The following TAF5L variants were observed in gnomAD, a reference collection of about 807,000 sequenced individuals.
The protein encoded by TAF5L is TATA-box binding protein associated factor 5 like.
In TAF5L, 7 loss-of-function variants were observed where a neutral mutation model predicts 51.3. The observed-to-expected ratio is 0.14, with a 90% CI of 0.08 to 0.26. TAF5L has a LOEUF of 0.26. Ranked by LOEUF, TAF5L falls within the 10% of genes least tolerant of loss-of-function variation. The pLI is 1.00. For synonymous variants in TAF5L, 291 were observed against 308.1 expected, an observed-to-expected ratio of 0.94 and a Z score of 0.58; for missense variants, 575 against 758.9, an observed-to-expected ratio of 0.76 and a Z score of 2.85.
chr1:229,603,034 A>C, intron 3 of TAF5L, 115 bp from the exon 4 acceptor site: 1 of 1,435,494 alleles, frequency 7.0e-7, no homozygotes, highest in Non-Finnish European at 9.1e-7. Flanking sequence ...CCCATTTTTT[A>C]AGAGTACTGA....
rs1055130094 is a variant in TAF5L, at chr1:229,625,723, C to T, written c.-4+162G>A. Among the ~76,000 whole-genome samples the T allele has an allele frequency of 6.9e-6, 1 of 144,928 alleles. No individual in the cohort carries two copies. ...GCCGTCGCGCCCGCGCAGAGCCGCC[C>T]GCCGCCCCCCAGCCCCGCCTCCCGC... On this transcript the variant is annotated intron_variant, in intron 1 of 4. Coordinates refer to ENST00000258281, the Ensembl canonical transcript of TAF5L. The surrounding 1 kb of genome is among the most constrained non-coding windows in gnomAD (Gnocchi z 4.0).
At chr1:229,603,521 T>C (rs1198503023) in intron 3 of TAF5L, among the ~76,000 whole-genome samples, 1 of 152,250 alleles carries the variant, frequency 6.6e-6, no homozygotes, top group Non-Finnish European at 1.5e-5. Flanking sequence ...CATTAACATG[T>C]CTGGTTATAC....
At chr1:229,604,210 G>T (rs1237904046) in intron 3 of TAF5L, among the ~76,000 whole-genome samples, 1 of 150,962 alleles carries the variant, frequency 6.6e-6, no homozygotes, top group African/African-American at 2.4e-5. Flanking sequence ...TCAATACAGG[G>T]TTTAAGACTG....
rs769273145 is a variant in TAF5L at position 229,610,192 on chromosome 1, C to G, written c.161G>C (p.Cys54Ser). 5 of 1,614,024 alleles carry G rather than the reference C, an allele frequency of 3.1e-6. No homozygotes were observed. The East Asian group carries it at 6.7e-5, about 22-fold the overall frequency. Reference sequence around the variant, plus strand: ...AGGGGCTGCAGACACTATGTTGGCACAACCAGATTCTGATTGCACTAAAGA... The same window carrying G: ...AGGGGCTGCAGACACTATGTTGGCAGAACCAGATTCTGATTGCACTAAAGA... The change falls in exon 3 of 5, where the codon TGT becomes TCT. Residue 54 changes from cysteine (C) to serine (S), a missense_variant. Cys to Ser is a moderately radical substitution (Grantham distance 112). Transcript: ENST00000258281.
intron 3 of TAF5L, chr1:229,607,955 A>G (rs1372648799): frequency 6.6e-6 from 1 of 152,198 alleles, no homozygotes; most frequent in Non-Finnish European, 1.5e-5. Context: ...AGACAAAATA[A>G]CAGACAACTT....
At chr1:229,609,979 T>A in intron 3 of TAF5L, 127 bp downstream of exon 3, 1 of 709,496 alleles carries the variant, frequency 1.4e-6, no homozygotes, top group East Asian at 2.8e-5. Context: ...TCTGCATTAC[T>A]CTATTTTTTA....
At chr1:229,606,414 C>T (rs928362399) in intron 3 of TAF5L, 30 of 984,848 alleles carry the variant, frequency 3.0e-5, no homozygotes, top group Non-Finnish European at 3.5e-5. Context: ...TAATGAATGC[C>T]TACCTGGTGC....
intron 3 of TAF5L, among the ~76,000 whole-genome samples, chr1:229,603,664 G>C (rs141493217): frequency 1.3e-5 from 2 of 152,260 alleles, no homozygotes; most frequent in South Asian, 2.1e-4. Context: ...ACCATTTTAC[G>C]TCATTAAGAC....
At chr1:229,623,477 A>G (rs1170493135) in intron 1 of TAF5L, among the ~76,000 whole-genome samples, 1 of 152,138 alleles carries the variant, frequency 6.6e-6, no homozygotes, top group East Asian at 1.9e-4. Flanking sequence ...AGTTGGAGGC[A>G]CTGCCACACT....
At position 229,602,837 on chromosome 1, in the gene TAF5L, G is replaced by C; in HGVS notation, c.330C>G (p.Asn110Lys). 1.2e-6 allele frequency: 2 copies of C among 1,612,484 alleles called. No individual in the cohort carries two copies. The highest frequency in any genetic ancestry group is 1.7e-6 in the Non-Finnish European group (2 of 1,180,032). ...AACTTTCCACTGTGCTCTTCGGACTGTTTTGGACCAGGTTGAGATGGAGGT... is the reference window on the plus strand; with the variant it reads ...AACTTTCCACTGTGCTCTTCGGACTCTTTTGGACCAGGTTGAGATGGAGGT... Residue 110 changes from asparagine (N) to lysine (K), a missense_variant, in exon 4 of 5, where the codon AAC becomes AAG. Around this residue, in one of 3 missense-constraint regions of TAF5L, gnomAD observed 380 missense variants for 443.7 expected, o/e 0.86. Transcript: ENST00000258281. This position sits in a 1 kb window ranked among gnomAD's most constrained non-coding sequence, Gnocchi z 4.6.
chr1:229,599,332 AATTCAATGATTT>A, intron 4 of TAF5L: 1 of 447,444 alleles, frequency 2.2e-6, no homozygotes, highest in Non-Finnish European at 3.0e-6. Context: ...CAAAGTGTAC[AATTCAATGATTT>A]TTAGTACATT....
At chr1:229,603,487 T>C (rs1664467206) in intron 3 of TAF5L, among the ~76,000 whole-genome samples, 2 of 152,228 alleles carry the variant, frequency 1.3e-5, no homozygotes, top group African/African-American at 2.4e-5. Flanking sequence ...TCAAGTAAAA[T>C]CAAAGCACTT....
rs142601849 is a variant in TAF5L at position 229,594,384 on chromosome 1, C to G, written c.1683G>C (p.Gly561=). The G allele has an allele frequency of 6.9e-4, 1,106 of 1,614,172 alleles. 12 individuals carry two copies. The African/African-American group carries it at 0.013, about 19-fold the overall frequency. The change falls in exon 5 of 5, where the codon GGG becomes GGC. Residue 561 remains glycine, a synonymous_variant. Transcript: ENST00000258281. The surrounding 1 kb of genome is among the most constrained non-coding windows in gnomAD (Gnocchi z 7.9). ...GCACGCTCAGGACGTTGCTCATCTG[C>G]CCGGTGTACACGCCCACGAGCTCGC...
chr1:229,623,891 A>G (rs1031187151), intron 1 of TAF5L, among the ~76,000 whole-genome samples: 2 of 152,218 alleles, frequency 1.3e-5, no homozygotes, highest in South Asian at 2.1e-4. Flanking sequence ...AAAGGATTCT[A>G]CATGTGACCA....
intron 4 of TAF5L, among the ~76,000 whole-genome samples, chr1:229,598,656 G>C (rs1205851069): frequency 2.6e-5 from 4 of 151,390 alleles, no homozygotes; most frequent in African/African-American, 4.9e-5. Flanking sequence ...AAAATACATA[G>C]GTATCAATCA....
chr1:229,603,374 A>G (rs1233242146), intron 3 of TAF5L, among the ~76,000 whole-genome samples: 1 of 152,256 alleles, frequency 6.6e-6, no homozygotes, highest in Admixed American at 6.5e-5. Context: ...ATCAACACAC[A>G]GTATATTCAG....
intron 4 of TAF5L, chr1:229,599,798 G>C (rs963206170): frequency 2.0e-6 from 2 of 982,020 alleles, no homozygotes; most frequent in Admixed American, 1.2e-4. Context: ...TATATGTCTA[G>C]AAGTGGAATT....
chr1:229,599,311 T>C (rs1161922829), intron 4 of TAF5L: 6 of 549,022 alleles, frequency 1.1e-5, no homozygotes, highest in Non-Finnish European at 1.4e-5. Flanking sequence ...TTACATACTA[T>C]ATAATTCTTT....
At chr1:229,606,138 A>G (rs1664588883) in intron 3 of TAF5L, 1 of 985,312 alleles carries the variant, frequency 1.0e-6, no homozygotes, top group Non-Finnish European at 1.2e-6. Context: ...CTGTTGCTTC[A>G]GCTCATAGGT....
Sources: allele counts gnomAD v4.1 joint callset (sites outside exome capture counted in the v4.1 genomes callset), GRCh38; gene constraint gnomAD v4.1.1; regional missense constraint gnomAD v4.1.1; non-coding constraint Gnocchi (gnomAD v3.1); transcripts MANE v1.5; gene names NCBI Gene and HGNC (gene_info 2026-07-23, HGNC 2026-07-21).